Variants in ADAMTS9 observed in about 807,000 individuals in gnomAD.
ADAMTS9 encodes the protein A disintegrin and metalloproteinase with thrombospondin motifs 9.
In ADAMTS9, 107 loss-of-function variants were observed where a neutral mutation model predicts 257.1. The ratio of observed to expected loss-of-function variants is 0.42; its 90% CI spans 0.36 to 0.49. The LOEUF is 0.49. ADAMTS9 is among the 20% of genes least tolerant of loss of function. ADAMTS9 has a pLI of 0.03. For synonymous variants in ADAMTS9, 982 were observed against 880.9 expected, an observed-to-expected ratio of 1.11 and a Z score of -2.03; for missense variants, 2,353 against 2,469.1, an observed-to-expected ratio of 0.95 and a Z score of 1.00.
chr3:64,616,704 T>C (rs930971518), intron 19 of ADAMTS9, among the ~76,000 whole-genome samples: 1 of 152,172 alleles, frequency 6.6e-6, no homozygotes, highest in African/African-American at 2.4e-5. Context: ...AGGAATATGA[T>C]CAGCAGTGCT....
intron 22 of ADAMTS9, among the ~76,000 whole-genome samples, chr3:64,608,258 C>CAAAAAAAAAAAAAAAAAAAAAAA (rs57247914): frequency 3.8e-5 from 2 of 53,288 alleles, no homozygotes; most frequent in African/African-American, 6.7e-5. Context: ...AAACTAAAAC[C>CAAAAAAAAAAAAAAAAAAAAAAA]AAAAAAAAAA....
At chr3:64,628,562 G>A (rs1309995890) in intron 16 of ADAMTS9, among the ~76,000 whole-genome samples, 2 of 151,834 alleles carry the variant, frequency 1.3e-5, no homozygotes, top group East Asian at 1.9e-4. Flanking sequence ...CTGCAGCTGT[G>A]CAAGGAGAAA....
At chr3:64,654,917 T>A (rs961050750) in intron 6 of ADAMTS9, among the ~76,000 whole-genome samples, 4 of 152,310 alleles carry the variant, frequency 2.6e-5, no homozygotes, top group Admixed American at 2.6e-4. Flanking sequence ...TCGTAAAGAC[T>A]CTTTGAGAAC....
At chr3:64,557,363 T>A (rs749463000) in intron 30 of ADAMTS9, among the ~76,000 whole-genome samples, 3 of 152,202 alleles carry the variant, frequency 2.0e-5, no homozygotes, top group African/African-American at 7.2e-5. Context: ...AATTTATATG[T>A]CAGATTGTGA....
rs527954463 is a variant in ADAMTS9, at chr3:64,663,113, G to A, written c.680-4322C>T. ...TGGACAGAGATGGAGTGGGGAGATG[G>A]GAGTGTGGTTAGCTAAAAAGTACAG... is the stretch of plus-strand genomic sequence containing the variant. On this transcript the variant is annotated intron_variant, in intron 3 of 39. Coordinates refer to ENST00000498707, the MANE Select transcript of ADAMTS9 (RefSeq NM_182920.2). Among the ~76,000 whole-genome samples, 12 of 152,114 alleles carry A rather than the reference G, an allele frequency of 7.9e-5. 1 individual carries two copies. In the South Asian group the frequency reaches 2.3e-3, roughly 29 times the overall value.
chr3:64,612,556 G>T (rs2084685449), intron 22 of ADAMTS9, among the ~76,000 whole-genome samples: 1 of 152,152 alleles, frequency 6.6e-6, no homozygotes, highest in South Asian at 2.1e-4. Context: ...TGGAAATGAA[G>T]ATAGAGGCTA....
chr3:64,662,431 G>C (rs1027975124), intron 3 of ADAMTS9, among the ~76,000 whole-genome samples: 5 of 151,962 alleles, frequency 3.3e-5, no homozygotes, highest in Admixed American at 1.3e-4. Flanking sequence ...TTATAGTGTT[G>C]GGCAACTTTT....
chr3:64,636,278 T>C (rs1576145307), intron 12 of ADAMTS9, among the ~76,000 whole-genome samples: 2 of 152,154 alleles, frequency 1.3e-5, no homozygotes, highest in African/African-American at 2.4e-5. Context: ...ATAAAAAACA[T>C]TTTTTATAAA....
chr3:64,531,814 C>G (rs2082985179), intron 38 of ADAMTS9, among the ~76,000 whole-genome samples: 1 of 152,142 alleles, frequency 6.6e-6, no homozygotes, highest in African/African-American at 2.4e-5. Flanking sequence ...CTTTGTCTTC[C>G]CCTATTTCTG....
intron 12 of ADAMTS9, among the ~76,000 whole-genome samples, chr3:64,637,193 T>C (rs1025855371): frequency 4.6e-5 from 7 of 152,378 alleles, no homozygotes; most frequent in African/African-American, 1.7e-4. Flanking sequence ...ACATGGACTA[T>C]GTAATAGAGA....
At chr3:64,641,300 T>G (rs1164895494) in intron 12 of ADAMTS9, among the ~76,000 whole-genome samples, 1 of 151,988 alleles carries the variant, frequency 6.6e-6, no homozygotes, top group Non-Finnish European at 1.5e-5. Flanking sequence ...TTTTTGCTTT[T>G]TTGTTGTTTT....
chr3:64,616,606 G>A (rs1045194143), intron 19 of ADAMTS9, among the ~76,000 whole-genome samples: 1 of 152,048 alleles, frequency 6.6e-6, no homozygotes, highest in Non-Finnish European at 1.5e-5. Flanking sequence ...TGTCACCTTT[G>A]TATCCATACT....
At chr3:64,663,335 T>C (rs13327881) in intron 3 of ADAMTS9, among the ~76,000 whole-genome samples, 114 of 152,124 alleles carry the variant, frequency 7.5e-4, no homozygotes, top group African/African-American at 2.6e-3. Flanking sequence ...TAATCCTTAA[T>C]GTTTTCTGTA....
intron 3 of ADAMTS9, 37 bp downstream of exon 3, chr3:64,681,164 A>G: frequency 6.3e-7 from 1 of 1,590,302 alleles, no homozygotes; most frequent in South Asian, 1.2e-5. Flanking sequence ...ACCCATCTCA[A>G]AGAGCTGGGC....
At chr3:64,617,973 ACTGT>A (rs1700006595) in intron 19 of ADAMTS9, among the ~76,000 whole-genome samples, 2 of 152,144 alleles carry the variant, frequency 1.3e-5, no homozygotes, top group Admixed American at 1.3e-4. Context: ...GGTTATATTG[ACTGT>A]CAGTTTGATA....
intron 2 of ADAMTS9, among the ~76,000 whole-genome samples, chr3:64,683,026 A>C (rs1701797638): frequency 6.6e-6 from 1 of 152,232 alleles, no homozygotes; most frequent in Non-Finnish European, 1.5e-5. Flanking sequence ...CCCTGGTTTA[A>C]GAAAAGGGCA....
At position 64,546,762 on chromosome 3, in the gene ADAMTS9, C is replaced by T. The variant is rs2083204768; in HGVS notation, c.5060G>A (p.Gly1687Glu). ...AGTGCTCAGTCTTCTACTTACGCTC[C>T]CCCAGTTGCCAACTCTCCAGGTGGC... ...VSATWRVGNWGSCSVSCGVGV... is the reference protein window; with the variant it reads ...VSATWRVGNWESCSVSCGVGV... The change falls in exon 32 of 40, where the codon GGG (glycine) becomes GAG (glutamate). Residue 1687 changes from glycine (G) to glutamate (E), a missense_variant. Gly to Glu is a moderately conservative substitution (Grantham distance 98, BLOSUM62 -2). Coordinates refer to ENST00000498707, the MANE Select transcript of ADAMTS9 (RefSeq NM_182920.2). 4 of 1,599,094 alleles carry T rather than the reference C, an allele frequency of 2.5e-6. No individual in the cohort carries two copies. The highest frequency in any genetic ancestry group is 3.4e-6 in the Non-Finnish European group (4 of 1,173,492).
intron 19 of ADAMTS9, among the ~76,000 whole-genome samples, chr3:64,618,088 G>C (rs1312392676): frequency 1.3e-5 from 2 of 152,106 alleles, no homozygotes; most frequent in African/African-American, 4.8e-5. Flanking sequence ...AGTAAGCTAC[G>C]CATTTAAAAG....
chr3:64,539,409 G>A, intron 36 of ADAMTS9, 115 bp from the exon 37 acceptor site: 2 of 849,868 alleles, frequency 2.4e-6, no homozygotes, highest in African/African-American at 1.7e-5. Flanking sequence ...AGAGGGAATG[G>A]GAGAGAAAGA....
Sources: allele counts gnomAD v4.1 joint callset (sites outside exome capture counted in the v4.1 genomes callset), GRCh38; gene constraint gnomAD v4.1.1; transcripts MANE v1.5; gene names NCBI Gene and HGNC (gene_info 2026-07-23, HGNC 2026-07-21).